The following SMYD2 variants were observed in gnomAD, a reference collection of about 807,000 sequenced individuals.
The protein encoded by SMYD2 is SET and MYND domain containing 2.
SMYD2 carries 53 observed loss-of-function variants against 59.1 expected under a neutral mutation model. The observed-to-expected ratio is 0.90, with a 90% CI of 0.72 to 1.13. The LOEUF is 1.13. Ranked by LOEUF, SMYD2 falls within the 50% of genes most tolerant of loss-of-function variation. The probability of loss-of-function intolerance (pLI) is 0.00; values close to 1 mark genes in which losing one functional copy is unlikely to be tolerated. For synonymous variants in SMYD2, 208 were observed against 198.8 expected, an observed-to-expected ratio of 1.05 and a Z score of -0.39; for missense variants, 494 against 544.7, an observed-to-expected ratio of 0.91 and a Z score of 0.93.
chr1:214,330,417 G>A, intron 8 of SMYD2, 139 bp downstream of exon 8: 1 of 578,204 alleles, frequency 1.7e-6, no homozygotes, highest in South Asian at 2.6e-5. Context: ...CAGCCAAAGG[G>A]AATCTAGTTA....
Position 214,314,631 on chromosome 1 carries a change from A to G in SMYD2, c.238-131A>G, listed in dbSNP as rs1281936168. The G allele has an allele frequency of 4.6e-6, 3 of 648,510 alleles. No homozygotes were observed. The African/African-American group carries it at 5.5e-5, about 12-fold the overall frequency. 40.2% of individuals were successfully genotyped at this position (648,510 alleles called of 1,614,324 possible). ...GTTTTTATCTCTAGCTTTTGTGAGCATCCTCGTGTTTTCCAAAAGGAAACA... is the reference window on the plus strand; with the variant it reads ...GTTTTTATCTCTAGCTTTTGTGAGCGTCCTCGTGTTTTCCAAAAGGAAACA... On this transcript the variant is annotated intron_variant, in intron 2 of 11. Coordinates refer to ENST00000366957, the MANE Select transcript of SMYD2 (RefSeq NM_020197.3).
At chr1:214,310,083 A>G (rs1049231965) in intron 2 of SMYD2, among the ~76,000 whole-genome samples, 3 of 152,240 alleles carry the variant, frequency 2.0e-5, no homozygotes, top group African/African-American at 4.8e-5. Context: ...AAGGGACTTC[A>G]TGATGAAAAT....
At chr1:214,305,917 C>A (rs1656908587) in intron 2 of SMYD2, among the ~76,000 whole-genome samples, 1 of 152,180 alleles carries the variant, frequency 6.6e-6, no homozygotes, top group African/African-American at 2.4e-5. Context: ...ACACTTGTTC[C>A]ACAAAATGTT....
At chr1:214,306,279 T>A (rs1656914499) in intron 2 of SMYD2, among the ~76,000 whole-genome samples, 2 of 152,060 alleles carry the variant, frequency 1.3e-5, no homozygotes. Context: ...CATTTTTTTT[T>A]CTTTCTCACC....
At chr1:214,285,846 G>C (rs914599850) in intron 1 of SMYD2, among the ~76,000 whole-genome samples, 1 of 152,214 alleles carries the variant, frequency 6.6e-6, no homozygotes, top group Non-Finnish European at 1.5e-5. Context: ...GGTATAGCCT[G>C]TTGCTCTTAG....
chr1:214,335,852 G>A (rs1438695229), intron 11 of SMYD2, among the ~76,000 whole-genome samples: 1 of 152,108 alleles, frequency 6.6e-6, no homozygotes. Context: ...GAAACCTTAA[G>A]TACATTCTCT....
At chr1:214,313,353 G>A (rs973339697) in intron 2 of SMYD2, among the ~76,000 whole-genome samples, 1 of 151,942 alleles carries the variant, frequency 6.6e-6, no homozygotes, top group African/African-American at 2.4e-5. Context: ...CTGACCTCGG[G>A]TGATCCGCCC....
intron 1 of SMYD2, among the ~76,000 whole-genome samples, chr1:214,299,251 AC>A (rs1656781654): frequency 6.6e-6 from 1 of 152,202 alleles, no homozygotes; most frequent in African/African-American, 2.4e-5. Flanking sequence ...TAGTTCAGCC[AC>A]TGTAGAAAGC....
At chr1:214,295,600 C>G (rs1328197007) in intron 1 of SMYD2, among the ~76,000 whole-genome samples, 1 of 152,166 alleles carries the variant, frequency 6.6e-6, no homozygotes, top group Non-Finnish European at 1.5e-5. Flanking sequence ...CCTGCCTCCC[C>G]AAGAGGATGC....
chr1:214,335,994 C>A (rs1186329801), intron 11 of SMYD2, among the ~76,000 whole-genome samples: 1 of 152,114 alleles, frequency 6.6e-6, no homozygotes, highest in African/African-American at 2.4e-5. Context: ...AACTAAAAAT[C>A]AAAATAGCTT....
At chr1:214,310,269 GTTA>G (rs10615828) in intron 2 of SMYD2, among the ~76,000 whole-genome samples, 2,135 of 152,294 alleles carry the variant, frequency 0.014, 49 homozygotes, top group African/African-American at 0.049. Context: ...ATGCACAGTA[GTTA>G]TTATCTTAGT....
chr1:214,292,626 A>G (rs990593079), intron 1 of SMYD2, among the ~76,000 whole-genome samples: 1 of 152,200 alleles, frequency 6.6e-6, no homozygotes, highest in African/African-American at 2.4e-5. Flanking sequence ...GGCCCTTTGC[A>G]TAGGCCTCAT....
intron 1 of SMYD2, among the ~76,000 whole-genome samples, chr1:214,283,459 G>T (rs1275626885): frequency 6.6e-6 from 1 of 152,164 alleles, no homozygotes; most frequent in South Asian, 2.1e-4. Flanking sequence ...TCTCCCCAAA[G>T]AATTATTTGA....
At chr1:214,325,193 G>A (rs1657241821) in intron 6 of SMYD2, among the ~76,000 whole-genome samples, 1 of 152,172 alleles carries the variant, frequency 6.6e-6, no homozygotes, top group African/African-American at 2.4e-5. Flanking sequence ...GTAGTGGGCC[G>A]GATAAAAATT....
At chr1:214,299,770 C>A (rs1656792338) in intron 1 of SMYD2, among the ~76,000 whole-genome samples, 1 of 152,130 alleles carries the variant, frequency 6.6e-6, no homozygotes, top group Non-Finnish European at 1.5e-5. Context: ...CCACGCCCAG[C>A]TAATTTTTTG....
chr1:214,282,136 A>G (rs1037864321), intron 1 of SMYD2, among the ~76,000 whole-genome samples: 1 of 152,212 alleles, frequency 6.6e-6, no homozygotes, highest in African/African-American at 2.4e-5. Context: ...CCATATGTAT[A>G]TATGTGTCTG....
intron 6 of SMYD2, 87 bp from the exon 7 acceptor site, chr1:214,327,535 C>A: frequency 9.4e-7 from 1 of 1,060,164 alleles, no homozygotes; most frequent in Non-Finnish European, 1.5e-6. Context: ...AGATTCAGTT[C>A]CTCTGACTTA....
chr1:214,330,072 C>T (rs1051430424), intron 7 of SMYD2, 96 bp from the exon 8 acceptor site: 49 of 738,798 alleles, frequency 6.6e-5, no homozygotes, highest in Non-Finnish European at 9.4e-5. Context: ...GCCTTATCCT[C>T]TGCATGGGCC....
intron 1 of SMYD2, among the ~76,000 whole-genome samples, chr1:214,295,884 C>T (rs928381040): frequency 1.3e-4 from 20 of 152,152 alleles, no homozygotes; most frequent in Non-Finnish European, 8.8e-5. Context: ...GTATAACCAC[C>T]CTCGCTGGGT....
Sources: allele counts gnomAD v4.1 joint callset (sites outside exome capture counted in the v4.1 genomes callset), GRCh38; gene constraint gnomAD v4.1.1; transcripts MANE v1.5; gene names NCBI Gene and HGNC (gene_info 2026-07-23, HGNC 2026-07-21).